TMTC2: variants seen among roughly 807,000 people sequenced by gnomAD.
The protein encoded by TMTC2 is protein O-mannosyl-transferase TMTC2.
Under a neutral mutation model 82.4 loss-of-function variants are expected in TMTC2, and 43 were observed. The observed-to-expected ratio is 0.52, with a 90% CI of 0.41 to 0.67. TMTC2 has a LOEUF of 0.67. Ranked by LOEUF, TMTC2 falls within the 30% of genes least tolerant of loss-of-function variation. The pLI, the probability that TMTC2 is intolerant of heterozygous loss-of-function variation, is 0.00. For synonymous variants in TMTC2, 408 were observed against 381.9 expected (o/e 1.07, Z -0.80); for missense variants, 919 against 1,012.4 (o/e 0.91, Z 1.25).
intron 1 of TMTC2, among the ~76,000 whole-genome samples, chr12:82,838,783 T>C (rs1486190314): frequency 3.8e-5 from 5 of 133,224 alleles, no homozygotes; most frequent in Non-Finnish European, 7.4e-5. Flanking sequence ...TATTTTTTCT[T>C]GTTTTTTTTT....
At chr12:83,063,012 A>T (rs913461391) in intron 11 of TMTC2, among the ~76,000 whole-genome samples, 3 of 151,880 alleles carry the variant, frequency 2.0e-5, no homozygotes, top group African/African-American at 7.2e-5. Context: ...AACAATAGAA[A>T]AGCATACAAA....
At chr12:83,012,789 A>G (rs575655060) in intron 8 of TMTC2, among the ~76,000 whole-genome samples, 1 of 152,284 alleles carries the variant, frequency 6.6e-6, no homozygotes, top group East Asian at 1.9e-4. Flanking sequence ...TCGTGATGTT[A>G]ATGAGTATGT....
intron 1 of TMTC2, among the ~76,000 whole-genome samples, chr12:82,693,921 T>G (rs1872683135): frequency 1.5e-5 from 2 of 132,338 alleles, no homozygotes; most frequent in East Asian, 2.2e-4. Flanking sequence ...TGAGCCAAGA[T>G]CGCGCCACCA....
intron 11 of TMTC2, among the ~76,000 whole-genome samples, chr12:83,084,627 A>G (rs1257012981): frequency 6.6e-6 from 1 of 152,258 alleles, no homozygotes; most frequent in Non-Finnish European, 1.5e-5. Flanking sequence ...CAATTTTATA[A>G]GAAGAGGAAA....
chr12:82,970,299 A>G (rs1433964486), intron 7 of TMTC2, among the ~76,000 whole-genome samples: 2 of 152,258 alleles, frequency 1.3e-5, no homozygotes, highest in Non-Finnish European at 2.9e-5. Flanking sequence ...GTGTTTTATA[A>G]CGGGACTTTC....
At chr12:82,778,848 CAAAAAAAAAAAAA>C (rs56354957) in intron 1 of TMTC2, among the ~76,000 whole-genome samples, 5 of 23,448 alleles carry the variant, frequency 2.1e-4, no homozygotes, top group Non-Finnish European at 2.7e-4. Context: ...GACTCCGTCT[CAAAAAAAAAAAAA>C]AAAAAAAAAA....
intron 8 of TMTC2, among the ~76,000 whole-genome samples, chr12:82,997,433 CAGAG>C (rs555736221): frequency 1.3e-3 from 72 of 54,958 alleles, no homozygotes; most frequent in African/African-American, 3.5e-3. Context: ...TATATACACA[CAGAG>C]AGAGAGAACT....
At chr12:83,077,501 T>A (rs1883318898) in intron 11 of TMTC2, among the ~76,000 whole-genome samples, 1 of 152,224 alleles carries the variant, frequency 6.6e-6, no homozygotes, top group Non-Finnish European at 1.5e-5. Context: ...TCATATTATG[T>A]AAAACTTATG....
rs924190488 is a variant in TMTC2 at position 82,806,781 on chromosome 12, T to C, written c.84-50229T>C. ...AGTCTCCATCCTCGTTGTCTTCACA[T>C]TGAGTAGGCTTCAGAGGAGGAAGAA... is the stretch of plus-strand genomic sequence containing the variant. On this transcript the variant is annotated intron_variant, in intron 1 of 11. Coordinates refer to ENST00000321196, the MANE Select transcript of TMTC2 (RefSeq NM_152588.3). Among the ~76,000 whole-genome samples, 79 of 152,152 alleles carry C rather than the reference T, an allele frequency of 5.2e-4. 4 individuals are homozygous for C. The highest frequency in any genetic ancestry group is 7.4e-5 in the Non-Finnish European group (5 of 68,026).
chr12:82,950,378 G>A (rs1221788524), intron 4 of TMTC2, among the ~76,000 whole-genome samples: 1 of 152,168 alleles, frequency 6.6e-6, no homozygotes, highest in Non-Finnish European at 1.5e-5. Context: ...ACATGTGGAA[G>A]AAAATGTAGT....
At chr12:82,911,006 G>A (rs1162859481) in intron 3 of TMTC2, among the ~76,000 whole-genome samples, 1 of 151,548 alleles carries the variant, frequency 6.6e-6, no homozygotes, top group South Asian at 2.1e-4. Flanking sequence ...TCAGCCTCCC[G>A]AGTAGCTGGG....
chr12:83,031,326 G>A (rs1380656360), intron 9 of TMTC2, among the ~76,000 whole-genome samples: 2 of 152,144 alleles, frequency 1.3e-5, no homozygotes, highest in Non-Finnish European at 2.9e-5. Flanking sequence ...ATGTACACTA[G>A]CCTGTAAATG....
At chr12:82,979,454 G>A (rs1330588357) in intron 7 of TMTC2, among the ~76,000 whole-genome samples, 3 of 151,620 alleles carry the variant, frequency 2.0e-5, no homozygotes, top group African/African-American at 7.3e-5. Context: ...CAAGAAAATA[G>A]AAAATGAATA....
At chr12:83,065,411 A>G (rs1882882957) in intron 11 of TMTC2, among the ~76,000 whole-genome samples, 1 of 151,876 alleles carries the variant, frequency 6.6e-6, no homozygotes, top group Non-Finnish European at 1.5e-5. Flanking sequence ...TTATATTCTG[A>G]TACTGTCTCT....
Position 83,134,436 on chromosome 12 carries a change from T to C in TMTC2, c.*2047T>C, listed in dbSNP as rs3168365. ...TTGTTGTTGTTCTTCCTTTCAAAGA[T>C]GTGGTTCTTAATAGGTTCACTGAAT... On this transcript the variant is annotated 3_prime_UTR_variant, in exon 12 of 12. Transcript: ENST00000321196. 0.67 allele frequency: 101,272 copies of C among 152,032 alleles called. 35,752 individuals are homozygous for C. Among genetic ancestry groups the C allele is most frequent in the African/African-American group, 0.91 (37,825 of 41,500 alleles). The allele number at this position is 152,032 out of a possible 1,614,324, so 9.4% of individuals were successfully genotyped here.
intron 1 of TMTC2, among the ~76,000 whole-genome samples, chr12:82,725,714 T>A (rs1874415979): frequency 1.3e-5 from 2 of 152,146 alleles, no homozygotes; most frequent in South Asian, 4.1e-4. Context: ...AATACATTGG[T>A]TTGGTCCAGA....
intron 1 of TMTC2, among the ~76,000 whole-genome samples, chr12:82,844,562 G>A (rs535237935): frequency 6.6e-6 from 1 of 152,248 alleles, no homozygotes; most frequent in Non-Finnish European, 1.5e-5. Context: ...AGCACTTTGG[G>A]TGGCCGAGGC....
At chr12:82,785,809 T>C (rs748307220) in intron 1 of TMTC2, among the ~76,000 whole-genome samples, 1 of 152,126 alleles carries the variant, frequency 6.6e-6, no homozygotes, top group Non-Finnish European at 1.5e-5. Context: ...ATTCAGAGAT[T>C]ATCCTTGTCC....
intron 2 of TMTC2, among the ~76,000 whole-genome samples, chr12:82,886,292 G>A (rs1027355965): frequency 6.6e-6 from 1 of 152,158 alleles, no homozygotes; most frequent in Admixed American, 6.5e-5. Flanking sequence ...TATCCAAGGA[G>A]CCCTGATACA....
Sources: allele counts gnomAD v4.1 joint callset (sites outside exome capture counted in the v4.1 genomes callset), GRCh38; gene constraint gnomAD v4.1.1; transcripts MANE v1.5; gene names NCBI Gene and HGNC (gene_info 2026-07-23, HGNC 2026-07-21).